Variants in ECT2L observed in about 807,000 individuals in gnomAD.
ECT2L encodes the protein epithelial cell-transforming sequence 2 oncogene-like.
A neutral mutation model predicts 122.8 loss-of-function variants in ECT2L; 126 were observed. The ratio of observed to expected loss-of-function variants is 1.03; its 90% CI spans 0.89 to 1.19. The LOEUF is 1.19. Among genes scored for constraint, ECT2L ranks in the 50% most tolerant of loss-of-function variants. The pLI is 0.00. For missense variants in ECT2L, 1,012 were observed against 1,064.1 expected (o/e 0.95, Z 0.68); for synonymous variants, 385 against 381.8 (o/e 1.01, Z -0.10).
chr6:138,805,564 G>A (rs1775686429), intron 1 of ECT2L, among the ~76,000 whole-genome samples: 1 of 152,132 alleles, frequency 6.6e-6, no homozygotes, highest in Non-Finnish European at 1.5e-5. Flanking sequence ...TTGTATGTAG[G>A]GGGCTGGGGT....
intron 4 of ECT2L, among the ~76,000 whole-genome samples, chr6:138,817,051 A>G (rs1388921192): frequency 2.6e-5 from 4 of 152,214 alleles, no homozygotes; most frequent in Non-Finnish European, 5.9e-5. Flanking sequence ...ATTAGACAGT[A>G]TGTGGTCTTT....
chr6:138,805,802 C>T (rs1237473914), intron 1 of ECT2L, among the ~76,000 whole-genome samples: 1 of 152,150 alleles, frequency 6.6e-6, no homozygotes, highest in East Asian at 1.9e-4. Context: ...GGTCCATGCC[C>T]AGAAGTCACA....
intron 7 of ECT2L, among the ~76,000 whole-genome samples, chr6:138,845,954 C>A (rs1470443126): frequency 6.6e-6 from 1 of 152,062 alleles, no homozygotes; most frequent in East Asian, 1.9e-4. Flanking sequence ...ACCTGTGGTC[C>A]CAGCTACTCA....
intron 14 of ECT2L, 103 bp from the exon 15 acceptor site, chr6:138,880,854 C>A: frequency 2.1e-6 from 2 of 974,984 alleles, no homozygotes; most frequent in Non-Finnish European, 1.5e-6. Context: ...CCCCTTCAAC[C>A]TGAACAGCAC....
At chr6:138,842,500 G>A (rs533172860) in intron 5 of ECT2L, among the ~76,000 whole-genome samples, 3 of 147,760 alleles carry the variant, frequency 2.0e-5, no homozygotes, top group African/African-American at 5.0e-5. Flanking sequence ...GTCCGGGTGC[G>A]GTGGTTCACA....
At chr6:138,841,573 T>C (rs1203890605) in intron 5 of ECT2L, among the ~76,000 whole-genome samples, 4 of 152,238 alleles carry the variant, frequency 2.6e-5, no homozygotes, top group African/African-American at 9.6e-5. Flanking sequence ...TCCATTTGTG[T>C]CCTTTCTTCC....
intron 11 of ECT2L, among the ~76,000 whole-genome samples, chr6:138,864,002 T>TAAAA (rs1172466449): frequency 0.028 from 1,589 of 55,856 alleles, 249 homozygotes; most frequent in African/African-American, 0.051. Flanking sequence ...TCTCCGTATT[T>TAAAA]AAAAAAAAAA....
At chr6:138,876,616 A>T in intron 14 of ECT2L, 58 bp downstream of exon 14, 1 of 1,161,274 alleles carries the variant, frequency 8.6e-7, no homozygotes, top group Admixed American at 2.2e-5. Flanking sequence ...GTGAAATTTC[A>T]GCCTTTATTC....
intron 14 of ECT2L, among the ~76,000 whole-genome samples, chr6:138,879,927 TG>T (rs1778587387): frequency 1.3e-5 from 2 of 151,976 alleles, no homozygotes; most frequent in South Asian, 4.2e-4. Flanking sequence ...CACTCCAGCC[TG>T]GAAAAGAGAG....
chr6:138,851,249 T>A (rs76409167), intron 9 of ECT2L, among the ~76,000 whole-genome samples: 2 of 152,000 alleles, frequency 1.3e-5, no homozygotes, highest in African/African-American at 4.8e-5. Flanking sequence ...AATGCAGTGG[T>A]GTGATCATAG....
chr6:138,889,018 A>G lies in ECT2L; in HGVS notation c.2401A>G (p.Ser801Gly). ...AQLHCCDEEI[S>G]FSLRLYEHIH... ...ACTTCATTGCTGTGATGAAGAAATA[A>G]GTTTCTCTTTAAGGTAAACAATAGT... The change falls in exon 20 of 22, where the codon AGT (serine) becomes GGT (glycine). Residue 801 changes from serine to glycine, a missense_variant. Coordinates refer to ENST00000541398, the MANE Select transcript of ECT2L (RefSeq NM_001077706.3). 1.9e-6 allele frequency: 3 copies of G among 1,547,738 alleles called. No individual in the cohort carries two copies. In the East Asian group the frequency reaches 7.0e-5, roughly 36 times the overall value.
At chr6:138,897,572 G>A (rs575848124) in intron 20 of ECT2L, among the ~76,000 whole-genome samples, 98 of 152,260 alleles carry the variant, frequency 6.4e-4, no homozygotes, top group African/African-American at 2.3e-3. Flanking sequence ...AACTTTTAGA[G>A]TTTTTGGTGT....
In ECT2L at chr6:138,813,241, G is replaced by A. The variant is rs370601948; in HGVS notation, c.-34G>A. 1.7e-5 allele frequency: 26 copies of A among 1,574,734 alleles called. No homozygotes were observed. The highest frequency in any genetic ancestry group is 1.1e-4 in the Admixed American group (6 of 52,594). On this transcript the variant is annotated 5_prime_UTR_variant, in exon 3 of 22. Coordinates refer to ENST00000541398, the MANE Select transcript of ECT2L (RefSeq NM_001077706.3). ...GAAGTGGAAGAAAATTTGCTGAGAC[G>A]TCAGCTGGGGATTCTTCCTGGAGAA... is the stretch of plus-strand genomic sequence containing the variant.
chr6:138,879,705 A>C (rs552637516), intron 14 of ECT2L, among the ~76,000 whole-genome samples: 1 of 152,216 alleles, frequency 6.6e-6, no homozygotes, highest in Non-Finnish European at 1.5e-5. Context: ...CTGTAATCCC[A>C]GCACTTTGGG....
Position 138,902,569 on chromosome 6 carries a change from A to G in ECT2L, c.2657A>G (p.Asp886Gly), listed in dbSNP as rs372482333. ...ATTTGTGCTACAGAAATAGAGGATG[A>G]TAAGTTCCTATGGCTGTCAGTACTT... The part of the protein sequence containing the change: ...KWICATEIED[D>G]KFLWLSVLRN... The change falls in exon 22 of 22, where the codon GAT (aspartate) becomes GGT (glycine). Residue 886 changes from aspartate (D) to glycine (G), a missense_variant. Transcript: ENST00000541398. 8 of 1,613,958 alleles carry G rather than the reference A, an allele frequency of 5.0e-6. No homozygotes were observed. Among genetic ancestry groups the G allele is most frequent in the Admixed American group, 1.7e-5 (1 of 60,020 alleles).
intron 10 of ECT2L, among the ~76,000 whole-genome samples, chr6:138,857,938 G>A (rs1777675625): frequency 6.6e-6 from 1 of 152,144 alleles, no homozygotes; most frequent in South Asian, 2.1e-4. Context: ...TTCTCCACGT[G>A]GCGGCAGGAG....
intron 12 of ECT2L, among the ~76,000 whole-genome samples, chr6:138,867,655 CAA>C (rs71009601): frequency 5.2e-5 from 6 of 114,426 alleles, no homozygotes; most frequent in African/African-American, 1.5e-4. Context: ...CCTAAAACTA[CAA>C]AAAAAAAAAA....
Position 138,846,585 on chromosome 6 carries a change from A to T in ECT2L, c.811A>T (p.Asn271Tyr), listed in dbSNP as rs775538020. The change falls in exon 8 of 22, where the codon AAT (asparagine) becomes TAT (tyrosine). Residue 271 changes from asparagine to tyrosine, a missense_variant. Physicochemically the swap from Asn to Tyr is moderately radical, Grantham distance 143 (BLOSUM62 -2). Transcript: ENST00000541398. ...SHSYPLLSKK[N>Y]WHGVHKNDDR... Reference sequence around the variant, plus strand: ...TTCCTACCCTTTATTATCAAAGAAAAATTGGCATGGAGTTCATAAAAATGA... The same window carrying T: ...TTCCTACCCTTTATTATCAAAGAAATATTGGCATGGAGTTCATAAAAATGA... 6.2e-7 allele frequency: 1 copy of T among 1,609,700 alleles called. No homozygotes were observed. Among genetic ancestry groups the T allele is most frequent in the South Asian group, 1.1e-5 (1 of 89,898 alleles).
At chr6:138,823,456 G>A (rs1047461482) in intron 4 of ECT2L, 235 of 1,605,236 alleles carry the variant, frequency 1.5e-4, no homozygotes, top group Non-Finnish European at 1.8e-4. Flanking sequence ...AAAATATCTC[G>A]ACCCCTAAAA....
Sources: allele counts gnomAD v4.1 joint callset (sites outside exome capture counted in the v4.1 genomes callset), GRCh38; gene constraint gnomAD v4.1.1; transcripts MANE v1.5; gene names NCBI Gene and HGNC (gene_info 2026-07-23, HGNC 2026-07-21).